Variants in SLC22A15 observed in about 807,000 individuals in gnomAD.
SLC22A15 encodes solute carrier family 22 member 15.
A neutral mutation model predicts 62.7 loss-of-function variants in SLC22A15; 45 were observed. The ratio of observed to expected loss-of-function variants is 0.72; its 90% CI spans 0.56 to 0.92. SLC22A15 has a LOEUF of 0.92. Among genes scored for constraint, SLC22A15 ranks in the 40% least tolerant of loss-of-function variants. SLC22A15 has a pLI of 0.00. For missense variants in SLC22A15, 622 were observed against 665.6 expected, an observed-to-expected ratio of 0.93 and a Z score of 0.72; for synonymous variants, 264 against 267.0, an observed-to-expected ratio of 0.99 and a Z score of 0.11.
intron 2 of SLC22A15, among the ~76,000 whole-genome samples, chr1:115,995,613 T>C (rs1373207889): frequency 6.6e-6 from 1 of 152,216 alleles, no homozygotes; most frequent in Non-Finnish European, 1.5e-5. Flanking sequence ...TACTTTCTAC[T>C]GTAAACAAGA....
intron 8 of SLC22A15, among the ~76,000 whole-genome samples, chr1:116,049,800 GAAAC>G (rs1295620072): frequency 2.0e-5 from 3 of 151,980 alleles, no homozygotes; most frequent in African/African-American, 7.2e-5. Flanking sequence ...AAAGATAAAT[GAAAC>G]AAAAAGCCAG....
At chr1:116,056,766 TC>T (rs1389887772) in intron 8 of SLC22A15, among the ~76,000 whole-genome samples, 12 of 152,160 alleles carry the variant, frequency 7.9e-5, no homozygotes, top group African/African-American at 2.9e-4. Flanking sequence ...TCTACAACTA[TC>T]GGATCTTTGA....
chr1:116,032,005 G>A, intron 6 of SLC22A15: 1 of 1,047,462 alleles, frequency 9.5e-7, no homozygotes, highest in Non-Finnish European at 1.2e-6. Context: ...CATTCTGATT[G>A]CGGTGCTCCA....
intron 8 of SLC22A15, among the ~76,000 whole-genome samples, chr1:116,038,931 C>T (rs1375613115): frequency 2.0e-5 from 3 of 152,142 alleles, no homozygotes; most frequent in Non-Finnish European, 4.4e-5. Context: ...CACTTATTTG[C>T]ACACTCCAGG....
chr1:115,999,411 T>C (rs926532076), intron 2 of SLC22A15, among the ~76,000 whole-genome samples: 1 of 152,200 alleles, frequency 6.6e-6, no homozygotes, highest in East Asian at 1.9e-4. Context: ...CCAGCAACTA[T>C]TGTATTGGGG....
intron 8 of SLC22A15, among the ~76,000 whole-genome samples, chr1:116,055,335 C>G (rs571935809): frequency 6.6e-6 from 1 of 152,080 alleles, no homozygotes; most frequent in Admixed American, 6.5e-5. Context: ...TACACATACA[C>G]CCTCCCAAGA....
intron 2 of SLC22A15, among the ~76,000 whole-genome samples, chr1:116,001,382 G>A (rs1655722461): frequency 1.3e-5 from 2 of 151,966 alleles, no homozygotes; most frequent in African/African-American, 4.8e-5. Flanking sequence ...TTCTCTCTAG[G>A]TATGGAAAGT....
At chr1:116,040,619 T>C (rs568855722) in intron 8 of SLC22A15, among the ~76,000 whole-genome samples, 1 of 152,230 alleles carries the variant, frequency 6.6e-6, no homozygotes, top group Non-Finnish European at 1.5e-5. Flanking sequence ...AGAGATTTTT[T>C]TGTATGGTTT....
intron 11 of SLC22A15, 84 bp downstream of exon 11, chr1:116,066,792 C>A: frequency 1.5e-6 from 2 of 1,306,902 alleles, no homozygotes; most frequent in Non-Finnish European, 2.1e-6. Context: ...TTAAATAGAA[C>A]TGAGTAAAAC....
At chr1:116,026,035 CAAAT>C (rs1382076710) in intron 4 of SLC22A15, among the ~76,000 whole-genome samples, 2 of 152,004 alleles carry the variant, frequency 1.3e-5, no homozygotes, top group East Asian at 1.9e-4. Flanking sequence ...AGACAGGAAA[CAAAT>C]AAATACAAAA....
At chr1:116,064,277 A>G (rs1658446314) in intron 9 of SLC22A15, among the ~76,000 whole-genome samples, 159 bp from the exon 10 acceptor site, 1 of 150,872 alleles carries the variant, frequency 6.6e-6, no homozygotes, top group Non-Finnish European at 1.5e-5. Context: ...CATTCCTAGC[A>G]TCTCAGGAAC....
At chr1:115,999,502 CTTT>C (rs71096857) in intron 2 of SLC22A15, among the ~76,000 whole-genome samples, 3 of 133,950 alleles carry the variant, frequency 2.2e-5, no homozygotes. Flanking sequence ...TATTTTTGTT[CTTT>C]TTTTTTTTTT....
intron 2 of SLC22A15, among the ~76,000 whole-genome samples, chr1:116,016,039 C>T (rs1313830542): frequency 6.6e-6 from 1 of 152,012 alleles, no homozygotes; most frequent in Non-Finnish European, 1.5e-5. Flanking sequence ...TGCTGGAGCT[C>T]TTTTAATCTC....
chr1:115,976,860 G>C, intron 1 of SLC22A15, 146 bp downstream of exon 1: 1 of 563,544 alleles, frequency 1.8e-6, no homozygotes. Flanking sequence ...GGTGGGGCAG[G>C]GGCGAGGCGC....
At chr1:116,034,187 G>T (rs920075396) in intron 6 of SLC22A15, among the ~76,000 whole-genome samples, 4 of 152,082 alleles carry the variant, frequency 2.6e-5, no homozygotes, top group Non-Finnish European at 5.9e-5. Context: ...ACAAAGCTTC[G>T]GTGTTTTACT....
intron 4 of SLC22A15, among the ~76,000 whole-genome samples, chr1:116,025,666 G>T (rs1657052361): frequency 6.6e-6 from 1 of 152,208 alleles, no homozygotes; most frequent in South Asian, 2.1e-4. Context: ...CTGGGCACAA[G>T]TCCTGGCCCT....
chr1:115,979,744 C>T (rs1689117), intron 1 of SLC22A15, among the ~76,000 whole-genome samples: 131,396 of 152,126 alleles, frequency 0.86, 57,861 homozygotes, highest in East Asian at 1. Flanking sequence ...TTTCTTGATT[C>T]CTTTAGACAT....
intron 10 of SLC22A15, among the ~76,000 whole-genome samples, chr1:116,065,951 C>T (rs1658486588): frequency 6.6e-6 from 1 of 152,190 alleles, no homozygotes; most frequent in Admixed American, 6.5e-5. Context: ...GTATCACCAG[C>T]CCTTAACCAT....
chr1:116,025,953 C>T (rs1393129154), intron 4 of SLC22A15, among the ~76,000 whole-genome samples: 2 of 152,110 alleles, frequency 1.3e-5, no homozygotes, highest in East Asian at 1.9e-4. Context: ...TTTACAATTC[C>T]ATGGTTGATA....
Sources: allele counts gnomAD v4.1 joint callset (sites outside exome capture counted in the v4.1 genomes callset), GRCh38; gene constraint gnomAD v4.1.1; transcripts MANE v1.5; gene names NCBI Gene and HGNC (gene_info 2026-07-23, HGNC 2026-07-21).